The following DPYSL3 variants were observed in gnomAD, a reference collection of about 807,000 sequenced individuals.
DPYSL3 encodes the protein dihydropyrimidinase like 3, also known as dihydropyrimidinase-related protein 3.
Under a neutral mutation model 66.1 loss-of-function variants are expected in DPYSL3, and 16 were observed. That is an observed-to-expected ratio of 0.24 (90% CI 0.16 to 0.37). DPYSL3 has a LOEUF of 0.37. Ranked by LOEUF, DPYSL3 falls within the 10% of genes least tolerant of loss-of-function variation. DPYSL3 has a pLI of 1.00. For synonymous variants in DPYSL3, 338 were observed against 345.1 expected (o/e 0.98, Z 0.23); for missense variants, 738 against 916.2 (o/e 0.81, Z 2.51).
intron 2 of DPYSL3, among the ~76,000 whole-genome samples, chr5:147,419,025 A>G (rs984319172): frequency 6.6e-6 from 1 of 152,222 alleles, no homozygotes; most frequent in African/African-American, 2.4e-5. Flanking sequence ...AAAATAGTGC[A>G]CTGTTAGAAG....
At position 147,463,400 on chromosome 5, in the gene DPYSL3, A is replaced by G. The variant is rs148131766; in HGVS notation, c.382-38437T>C. Among the ~76,000 whole-genome samples the G allele has an allele frequency of 8.0e-3, 1,225 of 152,270 alleles. 18 individuals are homozygous for G. Among genetic ancestry groups the G allele is most frequent in the African/African-American group, 0.028 (1,153 of 41,512 alleles). Reference sequence around the variant, plus strand: ...GAAAACAAAAACGTGGCTTAAGATTATATATAGACCCTAGGCAGCGTTGAC... The same window carrying G: ...GAAAACAAAAACGTGGCTTAAGATTGTATATAGACCCTAGGCAGCGTTGAC... On this transcript the variant is annotated intron_variant, in intron 1 of 13. Coordinates refer to ENST00000343218, the MANE Select transcript of DPYSL3 (RefSeq NM_001197294.2).
At chr5:147,434,825 T>A (rs780737671) in intron 1 of DPYSL3, among the ~76,000 whole-genome samples, 8 of 152,284 alleles carry the variant, frequency 5.3e-5, no homozygotes, top group Non-Finnish European at 1.0e-4. Flanking sequence ...TCCTAGACGA[T>A]ACTGCAATGA....
In DPYSL3 at chr5:147,401,609, G is replaced by A. The variant is rs1269891882; in HGVS notation, c.1241C>T (p.Ala414Val). Residue 414 changes from alanine (A) to valine (V), a missense_variant, in exon 9 of 14, where the codon GCA (alanine) becomes GTA (valine). By Grantham distance (64) the Ala-to-Val change is moderately conservative. Transcript: ENST00000343218. ...YWSKNWAKAA[A>V]FVTSPPLSPD... ...GCTCAGGGGTGGGGATGTCACAAAT[G>A]CAGCCGCCTTGGCCCAGTTCTTGCT... is the stretch of plus-strand genomic sequence containing the variant. 2 of 1,614,058 alleles carry A rather than the reference G, an allele frequency of 1.2e-6. No homozygotes were observed. Among genetic ancestry groups the A allele is most frequent in the Non-Finnish European group, 1.7e-6 (2 of 1,180,004 alleles).
chr5:147,422,973 C>T (rs1198757996), intron 2 of DPYSL3, among the ~76,000 whole-genome samples: 2 of 152,152 alleles, frequency 1.3e-5, no homozygotes, highest in East Asian at 1.9e-4. Flanking sequence ...GCACGTTCTG[C>T]ACATGTATCC....
At chr5:147,483,813 C>T (rs1309695227) in intron 1 of DPYSL3, among the ~76,000 whole-genome samples, 2 of 152,162 alleles carry the variant, frequency 1.3e-5, no homozygotes, top group African/African-American at 4.8e-5. Flanking sequence ...GTTAGAATAG[C>T]TCAGTTATCA....
At chr5:147,508,121 C>A (rs999124501) in intron 1 of DPYSL3, among the ~76,000 whole-genome samples, 3 of 152,162 alleles carry the variant, frequency 2.0e-5, no homozygotes, top group Non-Finnish European at 4.4e-5. Flanking sequence ...TTAGGGGAAT[C>A]ACGCACTAAA....
chr5:147,457,921 G>A (rs1468144875), intron 1 of DPYSL3, among the ~76,000 whole-genome samples: 4 of 152,180 alleles, frequency 2.6e-5, no homozygotes, highest in Admixed American at 2.6e-4. Flanking sequence ...GGACTTCATG[G>A]AATTTGTCTT....
chr5:147,409,615 A>T (rs1751804430), intron 6 of DPYSL3, among the ~76,000 whole-genome samples: 1 of 152,198 alleles, frequency 6.6e-6, no homozygotes, highest in African/African-American at 2.4e-5. Flanking sequence ...TTTATGGAAG[A>T]AGCAGGTAGC....
rs368709137 is a variant in DPYSL3 at position 147,401,825 on chromosome 5, C to A, written c.1154-129G>T. On this transcript the variant is annotated intron_variant, in intron 8 of 13. Transcript: ENST00000343218. ...GAGTCAGACTGACCTGGGTTCAAGT[C>A]CATGTTCCCACCTTTTTAAAGCCCC... 2.9e-4 allele frequency: 315 copies of A among 1,081,862 alleles called. No homozygotes were observed. In the African/African-American group the frequency reaches 4.8e-3, roughly 16 times the overall value. The allele number at this position is 1,081,862 out of a possible 1,614,324, so 67.0% of individuals were successfully genotyped here.
chr5:147,436,065 C>T (rs1752410386), intron 1 of DPYSL3, among the ~76,000 whole-genome samples: 1 of 152,160 alleles, frequency 6.6e-6, no homozygotes, highest in African/African-American at 2.4e-5. Flanking sequence ...GGAAAATACC[C>T]CGACTTCATT....
intron 10 of DPYSL3, 93 bp from the exon 11 acceptor site, chr5:147,399,345 A>G (rs957989777): frequency 1.4e-6 from 2 of 1,402,198 alleles, no homozygotes; most frequent in African/African-American, 1.5e-5. Flanking sequence ...CCACAAAGGC[A>G]TAGAAATACA....
intron 2 of DPYSL3, among the ~76,000 whole-genome samples, chr5:147,418,977 G>C (rs886113965): frequency 6.6e-6 from 1 of 151,838 alleles, no homozygotes; most frequent in Non-Finnish European, 1.5e-5. Flanking sequence ...TTTAAGTTAA[G>C]GTGAGAAATA....
intron 1 of DPYSL3, among the ~76,000 whole-genome samples, chr5:147,475,365 T>C (rs992581022): frequency 6.6e-6 from 1 of 152,130 alleles, no homozygotes. Context: ...ACTATTTTTG[T>C]TATTTCTTGT....
At chr5:147,398,361 G>C (rs762773331) in intron 11 of DPYSL3, among the ~76,000 whole-genome samples, 2 of 152,134 alleles carry the variant, frequency 1.3e-5, no homozygotes, top group Non-Finnish European at 2.9e-5. Flanking sequence ...GCTTGTCTGG[G>C]TTTCAATGCT....
intron 7 of DPYSL3, 103 bp from the exon 8 acceptor site, chr5:147,405,833 G>T: frequency 6.9e-7 from 1 of 1,450,856 alleles, no homozygotes; most frequent in Non-Finnish European, 9.2e-7. Flanking sequence ...CAAAGGTTAT[G>T]GATAATTTTG....
intron 6 of DPYSL3, among the ~76,000 whole-genome samples, chr5:147,411,876 G>T (rs1452688345): frequency 6.6e-6 from 1 of 152,196 alleles, no homozygotes; most frequent in Non-Finnish European, 1.5e-5. Flanking sequence ...AATGAATAAC[G>T]GTTTCTTGTT....
chr5:147,451,930 C>T (rs1000146291), intron 1 of DPYSL3, among the ~76,000 whole-genome samples: 1 of 152,012 alleles, frequency 6.6e-6, no homozygotes, highest in African/African-American at 2.4e-5. Context: ...TTGTAAAAGA[C>T]CCACGATGTT....
In DPYSL3 at chr5:147,422,619, A is replaced by T. The variant is rs543506129; in HGVS notation, c.470+2256T>A. Among the ~76,000 whole-genome samples, 33 of 152,320 alleles carry T rather than the reference A, an allele frequency of 2.2e-4. 1 individual carries two copies. In the East Asian group the frequency reaches 5.8e-3, roughly 27 times the overall value. On this transcript the variant is annotated intron_variant, in intron 2 of 13. Coordinates refer to ENST00000343218, the MANE Select transcript of DPYSL3 (RefSeq NM_001197294.2). Reference sequence around the variant, plus strand: ...ACCAACCCAAATGCCCATTGATGACAGACTGGATAAGGAAAATGTGGCACA... The same window carrying T: ...ACCAACCCAAATGCCCATTGATGACTGACTGGATAAGGAAAATGTGGCACA...
At chr5:147,429,438 T>C (rs988824669) in intron 1 of DPYSL3, among the ~76,000 whole-genome samples, 3 of 152,118 alleles carry the variant, frequency 2.0e-5, no homozygotes, top group Non-Finnish European at 4.4e-5. Context: ...CCAGAGTGGA[T>C]AGTAATACTT....
Sources: allele counts gnomAD v4.1 joint callset (sites outside exome capture counted in the v4.1 genomes callset), GRCh38; gene constraint gnomAD v4.1.1; transcripts MANE v1.5; gene names NCBI Gene and HGNC (gene_info 2026-07-23, HGNC 2026-07-21).